The following CDADC1 variants were observed in gnomAD, a reference collection of about 807,000 sequenced individuals.
CDADC1 encodes dCTP deaminase.
A neutral mutation model predicts 54.9 loss-of-function variants in CDADC1; 39 were observed. The observed-to-expected ratio is 0.71, with a 90% confidence interval of 0.55 to 0.93. The LOEUF (loss-of-function observed/expected upper bound fraction) is 0.93. CDADC1 is among the 40% of genes least tolerant of loss of function. CDADC1 has a pLI of 0.00. For missense variants in CDADC1, 518 were observed against 618.8 expected, an observed-to-expected ratio of 0.84 and a Z score of 1.73; for synonymous variants, 186 against 204.0, an observed-to-expected ratio of 0.91 and a Z score of 0.75.
At chr13:49,286,398 G>T in intron 9 of CDADC1, 116 bp downstream of exon 9, 1 of 753,528 alleles carries the variant, frequency 1.3e-6, no homozygotes, top group Non-Finnish European at 2.2e-6. Flanking sequence ...ATTTTTGAAG[G>T]TTAGATTTTT....
intron 2 of CDADC1, among the ~76,000 whole-genome samples, chr13:49,250,806 A>G (rs1434090563): frequency 6.6e-6 from 1 of 152,186 alleles, no homozygotes; most frequent in Non-Finnish European, 1.5e-5. Flanking sequence ...CCCAATTCCT[A>G]TGTGAAGTGT....
intron 4 of CDADC1, among the ~76,000 whole-genome samples, 196 bp downstream of exon 4, chr13:49,259,719 C>T (rs753077598): frequency 7.9e-5 from 12 of 151,904 alleles, no homozygotes; most frequent in East Asian, 7.7e-4. Flanking sequence ...TGGTGATGCA[C>T]GCCTGTAGTC....
At chr13:49,260,459 T>C (rs1222527101) in intron 4 of CDADC1, among the ~76,000 whole-genome samples, 3 of 152,244 alleles carry the variant, frequency 2.0e-5, no homozygotes, top group African/African-American at 7.2e-5. Context: ...AGGGTGAACC[T>C]GCTTCTTAAA....
chr13:49,287,268 C>A (rs182514668), intron 9 of CDADC1, among the ~76,000 whole-genome samples: 1 of 152,230 alleles, frequency 6.6e-6, no homozygotes, highest in Admixed American at 6.5e-5. Context: ...TGTAAGTTTT[C>A]TTGATAATAA....
intron 2 of CDADC1, among the ~76,000 whole-genome samples, chr13:49,251,041 T>TTTTTG (rs903808067): frequency 2.6e-5 from 4 of 152,194 alleles, no homozygotes; most frequent in Non-Finnish European, 4.4e-5. Context: ...TGTTGTGTTT[T>TTTTTG]TTTTGTTTTG....
chr13:49,273,200 T>C (rs1295543231), intron 5 of CDADC1, among the ~76,000 whole-genome samples: 2 of 152,242 alleles, frequency 1.3e-5, no homozygotes, highest in Non-Finnish European at 2.9e-5. Context: ...CAAATTTTCT[T>C]TGTACCTTTA....
chr13:49,291,685 T>C lies in CDADC1; in HGVS notation c.1473T>C (p.Asn491=). 2 of 1,613,704 alleles carry C rather than the reference T, an allele frequency of 1.2e-6. No individual in the cohort carries two copies. Among genetic ancestry groups the C allele is most frequent in the South Asian group, 1.1e-5 (1 of 90,976 alleles). ...LEQNEPERRE[N]GVLRPVPQKE... is the part of the protein sequence containing the mutation. ...ACCTAGCGTTATTCTCAATGCTAGA[T>C]GGTGTGTTGAGACCTGTCCCACAGA... The change falls in exon 10 of 10, where the codon AAT becomes AAC. Residue 491 remains asparagine (N), a splice_region_variant and synonymous_variant. Coordinates refer to ENST00000251108, the MANE Select transcript of CDADC1 (RefSeq NM_030911.4).
At chr13:49,251,588 T>C (rs1463419176) in intron 2 of CDADC1, among the ~76,000 whole-genome samples, 3 of 152,036 alleles carry the variant, frequency 2.0e-5, no homozygotes, top group Non-Finnish European at 4.4e-5. Flanking sequence ...TTGTATTTAA[T>C]TAGTGAGAAA....
At chr13:49,290,576 GGA>G (rs1391258196) in intron 9 of CDADC1, among the ~76,000 whole-genome samples, 2 of 152,138 alleles carry the variant, frequency 1.3e-5, no homozygotes, top group Non-Finnish European at 2.9e-5. Context: ...GCTCAGGGCA[GGA>G]AATCCCTCAA....
chr13:49,264,461 C>A lies in CDADC1; in HGVS notation c.431-3029C>A, dbSNP rs138115323. On this transcript the variant is annotated intron_variant, in intron 4 of 9. Transcript: ENST00000251108. ...TACAGGTCAGGCGCAGTGGCCCACA[C>A]CTGCAATCCCAACATTGTGAGGCCA... is the stretch of plus-strand genomic sequence containing the variant. Among the ~76,000 whole-genome samples the A allele has an allele frequency of 2.4e-3, 371 of 151,672 alleles. 3 individuals carry two copies. The highest frequency in any genetic ancestry group is 8.5e-3 in the African/African-American group (352 of 41,282).
chr13:49,275,714 TATATATATATATAGAGAGAG>T (rs1771966080), intron 6 of CDADC1, among the ~76,000 whole-genome samples: 5 of 76,840 alleles, frequency 6.5e-5, no homozygotes, highest in Admixed American at 1.8e-4. Context: ...TATATATATA[TATATATATATATAGAGAGAG>T]AGAGAGAGAG....
At chr13:49,248,484 C>A in intron 1 of CDADC1, 1 of 333,364 alleles carries the variant, frequency 3.0e-6, no homozygotes, top group South Asian at 5.9e-5. Flanking sequence ...GCGCATTTTT[C>A]GGGTTGTGTT....
chr13:49,280,516 GA>G lies in CDADC1; in HGVS notation c.1231del (p.Ile411Ter). 7.1e-7 allele frequency: 1 copy of G among 1,406,414 alleles called. No individual in the cohort carries two copies. Among genetic ancestry groups the G allele is most frequent in the South Asian group, 1.8e-5 (1 of 55,910 alleles). The allele number at this position is 1,406,414 out of a possible 1,614,324, so 87.1% of individuals were successfully genotyped here. ...EQNALTFRCQ[E>X]IKPEERSMIF... is the part of the protein sequence containing the mutation. ...TTATAATTTTTTTTGTAGGTGTCAA[GA>G]AATAAAACCAGAAGAAAGAAGCATG... On this transcript the variant is annotated frameshift_variant, in exon 8 of 10. Transcript: ENST00000251108. LOFTEE classifies it high-confidence loss of function.
At chr13:49,258,287 T>G (rs1050591173) in intron 3 of CDADC1, among the ~76,000 whole-genome samples, 1 of 152,186 alleles carries the variant, frequency 6.6e-6, no homozygotes, top group Non-Finnish European at 1.5e-5. Flanking sequence ...TGGAAGGGGA[T>G]GGGGAATAGG....
intron 4 of CDADC1, among the ~76,000 whole-genome samples, chr13:49,262,383 C>T (rs758100856): frequency 2.6e-4 from 40 of 152,122 alleles, no homozygotes; most frequent in African/African-American, 9.2e-4. Context: ...GCAAAGGTTG[C>T]GGTGAGCTGT....
At chr13:49,288,331 A>T (rs144124762) in intron 9 of CDADC1, among the ~76,000 whole-genome samples, 6 of 152,324 alleles carry the variant, frequency 3.9e-5, no homozygotes, top group African/African-American at 1.2e-4. Context: ...AGTTTTACTG[A>T]TATGTAATTC....
At chr13:49,248,337 A>G (rs560654431) in intron 1 of CDADC1, 115 of 532,594 alleles carry the variant, frequency 2.2e-4, no homozygotes, top group African/African-American at 1.7e-3. Flanking sequence ...CCTGTTAGCT[A>G]CTTCTCACAG....
intron 9 of CDADC1, among the ~76,000 whole-genome samples, chr13:49,291,344 A>ATT (rs34129600): frequency 6.7e-6 from 1 of 149,946 alleles, no homozygotes; most frequent in Admixed American, 6.6e-5. Flanking sequence ...AAAAAAAAAA[A>ATT]TTTTTTTTGT....
chr13:49,254,292 T>C (rs893870928), intron 2 of CDADC1, among the ~76,000 whole-genome samples: 1 of 152,174 alleles, frequency 6.6e-6, no homozygotes, highest in African/African-American at 2.4e-5. Flanking sequence ...TTCTTTTTGA[T>C]GGTTCTTTCT....
Sources: gnomAD v4.1 joint callset for allele counts (sites outside exome capture counted in the v4.1 genomes callset) on GRCh38, gnomAD v4.1.1 for gene constraint, MANE v1.5 for transcripts, NCBI Gene and HGNC (gene_info 2026-07-23, HGNC 2026-07-21) for gene names.